The following WT1 variants were observed in gnomAD, a reference collection of about 807,000 sequenced individuals.
The protein encoded by WT1 is WT1 transcription factor, also known as Wilms tumor protein.
Under a neutral mutation model 60.8 loss-of-function variants are expected in WT1, and 8 were observed. The ratio of observed to expected loss-of-function variants is 0.13; its 90% CI spans 0.08 to 0.24. The LOEUF is 0.24. Among genes scored for constraint, WT1 ranks in the 10% least tolerant of loss-of-function variants. The pLI is 1.00. For synonymous variants in WT1, 312 were observed against 297.1 expected, an observed-to-expected ratio of 1.05 and a Z score of -0.52; for missense variants, 568 against 711.8, an observed-to-expected ratio of 0.80 and a Z score of 2.30.
rs1343194102 is a variant in WT1 at position 32,435,319 on chromosome 11, G to C, written c.42C>G (p.Val14=). The C allele has an allele frequency of 2.6e-6, 4 of 1,532,318 alleles. No individual in the cohort carries two copies. The allele number at this position is 1,532,318 out of a possible 1,614,324, so 94.9% of individuals were successfully genotyped here. Reference sequence around the variant, plus strand: ...GCGTGTGCTGAGACGCCGGCTCCGGGACACACGTGGAAGCCGGGTCCTGCA... The same window carrying C: ...GCGTGTGCTGAGACGCCGGCTCCGGCACACACGTGGAAGCCGGGTCCTGCA... The change falls in exon 1 of 10, where the codon GTC becomes GTG. Residue 14 remains valine (V), a synonymous_variant. Coordinates refer to ENST00000452863, the MANE Select transcript of WT1 (RefSeq NM_024426.6).
chr11:32,428,690 G>C, intron 1 of WT1, 71 bp from the exon 2 acceptor site: 1 of 1,550,316 alleles, frequency 6.5e-7, no homozygotes, highest in Non-Finnish European at 8.6e-7. Flanking sequence ...GTCTGAACCA[G>C]CCACGGGCGG....
At chr11:32,433,852 A>G (rs1482619303) in intron 1 of WT1, among the ~76,000 whole-genome samples, 1 of 152,212 alleles carries the variant, frequency 6.6e-6, no homozygotes, top group Non-Finnish European at 1.5e-5. Flanking sequence ...CCAGGTCTTG[A>G]AGAAATACTG....
chr11:32,428,422 G>C (rs1384341698), intron 2 of WT1, 75 bp downstream of exon 2: 1 of 1,607,920 alleles, frequency 6.2e-7, no homozygotes, highest in East Asian at 2.2e-5. Flanking sequence ...TTTGCTGTGG[G>C]TTAGGAATTC....
intron 3 of WT1, among the ~76,000 whole-genome samples, chr11:32,418,732 A>G (rs1349380545): frequency 6.6e-6 from 1 of 152,172 alleles, no homozygotes; most frequent in Non-Finnish European, 1.5e-5. Context: ...GGCCAAGCAT[A>G]ACTGGGAACT....
Position 32,389,027 on chromosome 11 carries a change from G to A in WT1, c.*31C>T, listed in dbSNP as rs991097424. On this transcript the variant is annotated 3_prime_UTR_variant, in exon 10 of 10. Coordinates refer to ENST00000452863, the MANE Select transcript of WT1 (RefSeq NM_024426.6). ...AAGCAGTTCACACACTGTGCTGCCT[G>A]GGACACTGAACGGTCCCCGAGGGAG... The A allele has an allele frequency of 6.2e-7, 1 of 1,614,062 alleles. No homozygotes were observed. Among genetic ancestry groups the A allele is most frequent in the Admixed American group, 1.7e-5 (1 of 60,030 alleles).
chr11:32,424,543 GGT>G (rs1852962007), intron 3 of WT1, among the ~76,000 whole-genome samples: 1 of 152,166 alleles, frequency 6.6e-6, no homozygotes, highest in African/African-American at 2.4e-5. Flanking sequence ...GCAGACACCT[GGT>G]TTCAGAAACC....
chr11:32,390,953 T>G (rs889377056), intron 9 of WT1, among the ~76,000 whole-genome samples: 1 of 147,260 alleles, frequency 6.8e-6, no homozygotes, highest in Admixed American at 6.8e-5. Context: ...GAATAAAACA[T>G]GCCTACCTCA....
rs2133076540 is a variant in WT1 at position 32,428,650 on chromosome 11, C to CA, written c.662-32dup. The CA allele has an allele frequency of 1.9e-6, 3 of 1,606,888 alleles. No individual in the cohort carries two copies. In the South Asian group the frequency reaches 3.3e-5, roughly 18 times the overall value. On this transcript the variant is annotated intron_variant, in intron 1 of 9. Coordinates refer to ENST00000452863, the MANE Select transcript of WT1 (RefSeq NM_024426.6). ...GGAGCGGCGGAGAGAAGCACAGTGTCAGCGGTGCTCTCGCAAGACGGGGCA... is the reference window on the plus strand; with the variant it reads ...GGAGCGGCGGAGAGAAGCACAGTGTCAAGCGGTGCTCTCGCAAGACGGGGCA...
At chr11:32,410,271 CAT>C (rs1852454068) in intron 5 of WT1, among the ~76,000 whole-genome samples, 1 of 152,144 alleles carries the variant, frequency 6.6e-6, no homozygotes, top group Non-Finnish European at 1.5e-5. Context: ...AGCAAACAAA[CAT>C]ACAGATACTT....
intron 5 of WT1, among the ~76,000 whole-genome samples, chr11:32,408,514 TAAAAAA>T (rs58685266): frequency 0.11 from 8,169 of 73,856 alleles, 225 homozygotes; most frequent in Non-Finnish European, 0.14. Context: ...GACTACGTCT[TAAAAAA>T]AAAAAAAAAA....
At chr11:32,415,426 A>G (rs553139649) in intron 5 of WT1, among the ~76,000 whole-genome samples, 2 of 152,336 alleles carry the variant, frequency 1.3e-5, no homozygotes, top group East Asian at 3.9e-4. Flanking sequence ...AGGTGGGCGG[A>G]TCACCTGAGG....
intron 4 of WT1, 102 bp downstream of exon 4, chr11:32,417,475 T>G (rs1852711729): frequency 4.6e-6 from 5 of 1,086,216 alleles, no homozygotes; most frequent in South Asian, 1.3e-5. Context: ...CTTTGCCCTT[T>G]CTTCTAAAAC....
chr11:32,413,283 T>C (rs1301433774), intron 5 of WT1, among the ~76,000 whole-genome samples: 1 of 152,224 alleles, frequency 6.6e-6, no homozygotes, highest in African/African-American at 2.4e-5. Context: ...TTTCTTAACA[T>C]TGATTTCAAA....
rs2132940482 is a variant in WT1, at chr11:32,396,336, G to A, written c.1185C>T (p.Pro395=). 6.2e-7 allele frequency: 1 copy of A among 1,614,182 alleles called. No individual in the cohort carries two copies. Among genetic ancestry groups the A allele is most frequent in the South Asian group, 1.1e-5 (1 of 91,084 alleles). Residue 395 remains proline (P), a synonymous_variant, in exon 7 of 10, where the codon CCC becomes CCT. Transcript: ENST00000452863. ...TGCAGCCTGGGTAAGCACACATGAA[G>A]GGGCGTTTCTCACTGGTCTCAGATG... is the stretch of plus-strand genomic sequence containing the variant.
chr11:32,409,493 C>T (rs917960017), intron 5 of WT1, among the ~76,000 whole-genome samples: 1 of 152,116 alleles, frequency 6.6e-6, no homozygotes, highest in Non-Finnish European at 1.5e-5. Flanking sequence ...GAGATGGTCT[C>T]TGTTGCCCAG....
At position 32,388,471 on chromosome 11, in the gene WT1, T is replaced by A; in HGVS notation, c.*587A>T. The A allele has an allele frequency of 4.2e-6, 1 of 238,216 alleles. No homozygotes were observed. The highest frequency in any genetic ancestry group is 8.3e-6 in the Non-Finnish European group (1 of 120,510). 14.8% of individuals were successfully genotyped at this position (238,216 alleles called of 1,614,324 possible). A position where few individuals can be genotyped will look rare whatever the true frequency, so the allele number is the denominator to read the frequency against. ...AGTTCTGATTTTTTCTTCAGCTGCT[T>A]GAAATGCATGAGCTTTAAAAGTTGC... On this transcript the variant is annotated 3_prime_UTR_variant, in exon 10 of 10. Coordinates refer to ENST00000452863, the MANE Select transcript of WT1 (RefSeq NM_024426.6).
chr11:32,415,141 A>G (rs893975015), intron 5 of WT1, among the ~76,000 whole-genome samples: 4 of 152,168 alleles, frequency 2.6e-5, no homozygotes, highest in Non-Finnish European at 5.9e-5. Context: ...CTTATCTGTA[A>G]TTTTTGTAAC....
chr11:32,399,728 G>C (rs1852088985), intron 6 of WT1, among the ~76,000 whole-genome samples: 1 of 152,250 alleles, frequency 6.6e-6, no homozygotes, highest in Admixed American at 6.5e-5. Context: ...CTGTTAGGAC[G>C]CATCTTGCGC....
At chr11:32,390,623 G>A (rs570658300) in intron 9 of WT1, among the ~76,000 whole-genome samples, 1 of 152,222 alleles carries the variant, frequency 6.6e-6, no homozygotes, top group South Asian at 2.1e-4. Flanking sequence ...GCTCTTCCTG[G>A]CCTGGCTCTC....
Sources: gnomAD v4.1 joint callset for allele counts (sites outside exome capture counted in the v4.1 genomes callset) on GRCh38, gnomAD v4.1.1 for gene constraint, MANE v1.5 for transcripts, NCBI Gene and HGNC (gene_info 2026-07-23, HGNC 2026-07-21) for gene names.